The following ARHGEF10L variants were observed in gnomAD, a reference collection of about 807,000 sequenced individuals.
The protein encoded by ARHGEF10L is rho guanine nucleotide exchange factor 10-like protein.
Under a neutral mutation model 141.2 loss-of-function variants are expected in ARHGEF10L, and 69 were observed. That is an observed-to-expected ratio of 0.49 (90% CI 0.40 to 0.60). ARHGEF10L has a LOEUF of 0.60. Among genes scored for constraint, ARHGEF10L ranks in the 20% least tolerant of loss-of-function variants. The pLI, the probability that ARHGEF10L is intolerant of heterozygous loss-of-function variation, is 0.00. For missense variants in ARHGEF10L, 1,482 were observed against 1,734.3 expected (o/e 0.85, Z 2.58); for synonymous variants, 711 against 718.5 (o/e 0.99, Z 0.17).
At chr1:17,552,030 TC>T (rs1557696759) in intron 1 of ARHGEF10L, among the ~76,000 whole-genome samples, 2 of 152,190 alleles carry the variant, frequency 1.3e-5, no homozygotes, top group African/African-American at 4.8e-5. Context: ...GCTGGGGCTT[TC>T]CCAGAGCTGC....
chr1:17,560,809 C>T (rs1444632190), intron 1 of ARHGEF10L, among the ~76,000 whole-genome samples: 1 of 152,198 alleles, frequency 6.6e-6, no homozygotes, highest in East Asian at 1.9e-4. Flanking sequence ...AGGTGATCTG[C>T]CCACCTTGGC....
intron 1 of ARHGEF10L, among the ~76,000 whole-genome samples, chr1:17,542,878 C>T (rs1219942665): frequency 6.6e-6 from 1 of 152,228 alleles, no homozygotes; most frequent in East Asian, 1.9e-4. Flanking sequence ...TCCTTGCTTT[C>T]TTCTGCACAA....
intron 15 of ARHGEF10L, among the ~76,000 whole-genome samples, chr1:17,630,857 C>G (rs2060638721): frequency 6.6e-6 from 1 of 152,230 alleles, no homozygotes. Flanking sequence ...AGAACAACAG[C>G]ATTCTCTCCC....
chr1:17,697,080 C>G lies in ARHGEF10L; in HGVS notation c.3540C>G (p.Thr1180=). The change falls in exon 29 of 29, where the codon ACC becomes ACG. Residue 1180 remains threonine (T), a synonymous_variant. Transcript: ENST00000361221. This position sits in a 1 kb window ranked among gnomAD's most constrained non-coding sequence, Gnocchi z 4.8. ...TCTTGCAGTACCGCCTGCGCTCCAC[C>G]GCACACCTCCCGGGCCCGCTGCTCT... ...GILLQYRLRS[T]AHLPGPLLSM... is the part of the protein sequence containing the mutation. The G allele has an allele frequency of 6.2e-7, 1 of 1,606,598 alleles. No individual in the cohort carries two copies. The highest frequency in any genetic ancestry group is 8.5e-7 in the Non-Finnish European group (1 of 1,175,972).
In ARHGEF10L at chr1:17,644,221, G is replaced by A. The variant is rs1286138279; in HGVS notation, c.2272+3919G>A. 2.6e-5 allele frequency among the ~76,000 whole-genome samples: 4 copies of A among 152,094 alleles called. No homozygotes were observed. The highest frequency in any genetic ancestry group is 1.5e-5 in the Non-Finnish European group (1 of 67,994). ...GGCCCTCCCTTGCTGCCTCTCATTT[G>A]GTTTAGTTTTCCGGCCCATAGTCGT... On this transcript the variant is annotated intron_variant, in intron 21 of 28. Coordinates refer to ENST00000361221, the MANE Select transcript of ARHGEF10L (RefSeq NM_018125.4). The surrounding 1 kb of genome is among the most constrained non-coding windows in gnomAD (Gnocchi z 4.5).
rs541922585 is a variant in ARHGEF10L at position 17,555,838 on chromosome 1, G to A, written c.-44+15888G>A. Among the ~76,000 whole-genome samples the A allele has an allele frequency of 1.2e-4, 18 of 152,076 alleles. No homozygotes were observed. In the South Asian group the frequency reaches 3.1e-3, roughly 26 times the overall value. On this transcript the variant is annotated intron_variant, in intron 1 of 28. Transcript: ENST00000361221. Reference sequence around the variant, plus strand: ...CCTGGAGCACCCATTGCTTTACAGCGGGAGCCTTCCTGGGAGGAAGGTCAG... The same window carrying A: ...CCTGGAGCACCCATTGCTTTACAGCAGGAGCCTTCCTGGGAGGAAGGTCAG...
rs187378664 is a variant in ARHGEF10L, at chr1:17,553,579, C to T, written c.-44+13629C>T. ...GGAGTGTCGCTTGAGCCCTGGAGTT[C>T]AAGACCAGCCTGGGCAACATAGTGA... On this transcript the variant is annotated intron_variant, in intron 1 of 28. Coordinates refer to ENST00000361221, the MANE Select transcript of ARHGEF10L (RefSeq NM_018125.4). Among the ~76,000 whole-genome samples, 337 of 152,018 alleles carry T rather than the reference C, an allele frequency of 2.2e-3. 2 individuals carry two copies. The highest frequency in any genetic ancestry group is 3.2e-3 in the Non-Finnish European group (217 of 67,974).
rs890942416 is a variant in ARHGEF10L at position 17,619,666 on chromosome 1, G to T, written c.942+221G>T. 2.0e-5 allele frequency among the ~76,000 whole-genome samples: 3 copies of T among 152,138 alleles called. No individual in the cohort carries two copies. Among genetic ancestry groups the T allele is most frequent in the Non-Finnish European group, 2.9e-5 (2 of 68,008 alleles). On this transcript the variant is annotated intron_variant, in intron 10 of 28. Transcript: ENST00000361221. The surrounding 1 kb of genome is among the most constrained non-coding windows in gnomAD (Gnocchi z 5.0). Reference sequence around the variant, plus strand: ...CGTGTGCTCTGTGCTGTTGGTTTTGGGGGGTGGGCTCCCGGCATCTAGAAC... The same window carrying T: ...CGTGTGCTCTGTGCTGTTGGTTTTGTGGGGTGGGCTCCCGGCATCTAGAAC...
At chr1:17,513,562 G>A in the ARHGEF10L span, among the ~76,000 whole-genome samples, 1 of 152,162 alleles carries the variant, frequency 6.6e-6, no homozygotes, top group African/African-American at 2.4e-5. Context: ...AAGGACAAGT[G>A]GAAACAAAAT....
intron 26 of ARHGEF10L, among the ~76,000 whole-genome samples, chr1:17,686,937 C>T (rs2064655007): frequency 6.6e-6 from 1 of 151,572 alleles, no homozygotes; most frequent in Non-Finnish European, 1.5e-5. Flanking sequence ...GAAGAGAATG[C>T]TTTTCACCTG....
Position 17,615,802 on chromosome 1 carries a change from C to T in ARHGEF10L, c.727-292C>T. On this transcript the variant is annotated intron_variant, in intron 8 of 28. Transcript: ENST00000361221. The surrounding 1 kb of genome is among the most constrained non-coding windows in gnomAD (Gnocchi z 4.7). ...CTCCAGGTCTCCAGCACCCCTCGGCCCCCTCCTCACCAGGTCACATCATCT... is the reference window on the plus strand; with the variant it reads ...CTCCAGGTCTCCAGCACCCCTCGGCTCCCTCCTCACCAGGTCACATCATCT... 1 of 303,024 alleles carries T rather than the reference C, an allele frequency of 3.3e-6. No homozygotes were observed. The allele number at this position is 303,024 out of a possible 1,614,324, so 18.8% of individuals were successfully genotyped here.
At chr1:17,585,368 G>T (rs2078937923) in intron 2 of ARHGEF10L, among the ~76,000 whole-genome samples, 1 of 152,178 alleles carries the variant, frequency 6.6e-6, no homozygotes, top group Non-Finnish European at 1.5e-5. Flanking sequence ...GTAAATGGAG[G>T]TGATCCTGAG....
rs995029184 is a variant in ARHGEF10L at position 17,539,830 on chromosome 1, T to C, written c.-164T>C. 6.9e-6 allele frequency: 1 copy of C among 144,210 alleles called. No individual in the cohort carries two copies. Among genetic ancestry groups the C allele is most frequent in the African/African-American group, 2.5e-5 (1 of 39,510 alleles). 8.9% of individuals were successfully genotyped at this position (144,210 alleles called of 1,614,324 possible). A position where few individuals can be genotyped will look rare whatever the true frequency, so the allele number is the denominator to read the frequency against. On this transcript the variant is annotated 5_prime_UTR_variant, in exon 1 of 29. Transcript: ENST00000361221. This position sits in a 1 kb window ranked among gnomAD's most constrained non-coding sequence, Gnocchi z 6.0. ...GCTCGGGTGGCGGCGGCTGCGGCGG[T>C]GGGGGCGCCGTCCCGGCCATGGGCG...
At chr1:17,624,565 G>T (rs1463962949) in intron 13 of ARHGEF10L, 62 bp downstream of exon 13, 2 of 1,417,626 alleles carry the variant, frequency 1.4e-6, no homozygotes, top group Non-Finnish European at 2.0e-6. Flanking sequence ...TCAGGAGGAA[G>T]GGAGCATTTT....
chr1:17,624,633 T>C (rs1052709982), intron 13 of ARHGEF10L, 130 bp downstream of exon 13: 10 of 739,726 alleles, frequency 1.4e-5, no homozygotes, highest in Middle Eastern at 3.6e-4. Context: ...CCTCTTTCTT[T>C]TGGGGCAGCC....
At chr1:17,663,740 G>C (rs1180148230) in intron 25 of ARHGEF10L, among the ~76,000 whole-genome samples, 1 of 152,102 alleles carries the variant, frequency 6.6e-6, no homozygotes, top group Non-Finnish European at 1.5e-5. Flanking sequence ...AGACAATCTT[G>C]TCAGCTCCCC....
chr1:17,535,363 CT>C (rs940416129), upstream of ARHGEF10L, among the ~76,000 whole-genome samples: 1 of 152,220 alleles, frequency 6.6e-6, no homozygotes. Context: ...TGCCACTCCC[CT>C]CCTGCTGTGT....
Position 17,697,070 on chromosome 1 carries a change from T to A in ARHGEF10L, c.3530T>A (p.Leu1177Gln), listed in dbSNP as rs2065561082. ...RKKGILLQYRLRSTAHLPGPL... is the reference protein window; with the variant it reads ...RKKGILLQYRQRSTAHLPGPL... ...AAGGGCATCCTCTTGCAGTACCGCC[T>A]GCGCTCCACCGCACACCTCCCGGGC... The change falls in exon 29 of 29, where the codon CTG becomes CAG. Residue 1177 changes from leucine to glutamine, a missense_variant. Physicochemically the swap from Leu to Gln is moderately radical, Grantham distance 113. Coordinates refer to ENST00000361221, the MANE Select transcript of ARHGEF10L (RefSeq NM_018125.4). The surrounding 1 kb of genome is among the most constrained non-coding windows in gnomAD (Gnocchi z 4.8). 1.2e-6 allele frequency: 2 copies of A among 1,605,180 alleles called. No individual in the cohort carries two copies. The highest frequency in any genetic ancestry group is 3.4e-5 in the Admixed American group (2 of 59,616).
At chr1:17,519,111 G>T in the ARHGEF10L span, among the ~76,000 whole-genome samples, 1 of 152,018 alleles carries the variant, frequency 6.6e-6, no homozygotes, top group Non-Finnish European at 1.5e-5. Context: ...GGAGGCGGAG[G>T]TTGCGGTGAG....
Sources: allele counts gnomAD v4.1 joint callset (sites outside exome capture counted in the v4.1 genomes callset), GRCh38; gene constraint gnomAD v4.1.1; non-coding constraint Gnocchi (gnomAD v3.1); transcripts MANE v1.5; gene names NCBI Gene and HGNC (gene_info 2026-07-23, HGNC 2026-07-21).